Variants in PARD3 observed in about 807,000 individuals in gnomAD.
PARD3 encodes par-3 family cell polarity regulator.
In PARD3, 75 loss-of-function variants were observed where a neutral mutation model predicts 155.4. The ratio of observed to expected loss-of-function variants is 0.48; its 90% CI spans 0.40 to 0.58. The LOEUF (loss-of-function observed/expected upper bound fraction) is 0.58. PARD3 is among the 20% of genes least tolerant of loss of function. The probability of loss-of-function intolerance (pLI) is 0.00; values close to 1 mark genes in which losing one functional copy is unlikely to be tolerated. For synonymous variants in PARD3, 576 were observed against 610.5 expected, an observed-to-expected ratio of 0.94 and a Z score of 0.83; for missense variants, 1,642 against 1,721.7, an observed-to-expected ratio of 0.95 and a Z score of 0.82.
rs375823316 is a variant in PARD3, at chr10:34,517,206, T to C, written c.223-47A>G. On this transcript the variant is annotated intron_variant, in intron 2 of 24. Transcript: ENST00000374788. Reference sequence around the variant, plus strand: ...GCACTTATAAATAAAGGCACTTAATTAACTACCAAAATTTTGTACTATTTT... The same window carrying C: ...GCACTTATAAATAAAGGCACTTAATCAACTACCAAAATTTTGTACTATTTT... 2.7e-5 allele frequency: 42 copies of C among 1,548,874 alleles called. No homozygotes were observed. The African/African-American group carries it at 5.6e-4, about 21-fold the overall frequency.
At chr10:34,685,369 G>A (rs2093936952) in intron 2 of PARD3, among the ~76,000 whole-genome samples, 1 of 152,052 alleles carries the variant, frequency 6.6e-6, no homozygotes. Context: ...ATGTTCTCCT[G>A]GGCTACATCC....
At chr10:34,426,953 A>G (rs1235893345) in intron 5 of PARD3, among the ~76,000 whole-genome samples, 1 of 152,206 alleles carries the variant, frequency 6.6e-6, no homozygotes, top group Non-Finnish European at 1.5e-5. Context: ...ATAAATTGTG[A>G]AGATTTCATG....
intron 2 of PARD3, among the ~76,000 whole-genome samples, chr10:34,581,258 G>A (rs1339388283): frequency 6.5e-5 from 3 of 45,954 alleles, no homozygotes; most frequent in South Asian, 6.6e-4. Context: ...TTTTTGAGAC[G>A]GAGTTTCACT....
chr10:34,781,596 T>C (rs1177036347), intron 1 of PARD3, among the ~76,000 whole-genome samples: 1 of 152,254 alleles, frequency 6.6e-6, no homozygotes, highest in Non-Finnish European at 1.5e-5. Flanking sequence ...TCTCTAAATA[T>C]ACCAGGCCTT....
chr10:34,368,839 TA>T (rs71033310), intron 12 of PARD3, among the ~76,000 whole-genome samples: 2,837 of 108,568 alleles, frequency 0.026, 68 homozygotes, highest in African/African-American at 0.083. Flanking sequence ...ATGAGCAATG[TA>T]AAAAAAAAAA....
chr10:34,583,012 A>G (rs2087640115), intron 2 of PARD3, among the ~76,000 whole-genome samples: 2 of 152,234 alleles, frequency 1.3e-5, no homozygotes, highest in African/African-American at 2.4e-5. Flanking sequence ...GGGGTTGTCA[A>G]TACATACCAG....
At chr10:34,156,397 A>G (rs1949006286) in intron 22 of PARD3, among the ~76,000 whole-genome samples, 1 of 152,150 alleles carries the variant, frequency 6.6e-6, no homozygotes, top group South Asian at 2.1e-4. Context: ...ATGCCTGGCC[A>G]TGAATCTCAT....
intron 14 of PARD3, among the ~76,000 whole-genome samples, 182 bp downstream of exon 14, chr10:34,358,965 G>A (rs761500588): frequency 1.3e-5 from 2 of 152,120 alleles, no homozygotes; most frequent in Non-Finnish European, 2.9e-5. Flanking sequence ...GGAATATGTT[G>A]ATCACAAGAA....
intron 14 of PARD3, among the ~76,000 whole-genome samples, chr10:34,358,119 T>C (rs550328656): frequency 2.6e-5 from 4 of 152,324 alleles, no homozygotes; most frequent in African/African-American, 9.6e-5. Context: ...CTTCACATTT[T>C]CAACAGCTCA....
intron 9 of PARD3, among the ~76,000 whole-genome samples, chr10:34,378,462 C>T (rs1189023226): frequency 6.6e-6 from 1 of 152,044 alleles, no homozygotes; most frequent in Non-Finnish European, 1.5e-5. Context: ...ACCCACAGTA[C>T]CTCAAAACTC....
chr10:34,608,556 A>G (rs540156023), intron 2 of PARD3, among the ~76,000 whole-genome samples: 2 of 117,886 alleles, frequency 1.7e-5, no homozygotes, highest in Admixed American at 8.3e-5. Flanking sequence ...TTTTTTTGAG[A>G]CGGAATCTCA....
chr10:34,483,503 AG>A (rs1432411662), intron 3 of PARD3, among the ~76,000 whole-genome samples: 7,530 of 140,130 alleles, frequency 0.054, 668 homozygotes, highest in African/African-American at 0.21. Flanking sequence ...AAAAAAAGAG[AG>A]AGAAAAAAAA....
chr10:34,290,847 T>A (rs895157637), intron 20 of PARD3, among the ~76,000 whole-genome samples: 1 of 152,198 alleles, frequency 6.6e-6, no homozygotes, highest in African/African-American at 2.4e-5. Flanking sequence ...TGAGCTGGCC[T>A]CAAGATCCTG....
chr10:34,470,619 A>C (rs570237222), intron 3 of PARD3, among the ~76,000 whole-genome samples: 7 of 152,334 alleles, frequency 4.6e-5, no homozygotes, highest in African/African-American at 1.4e-4. Context: ...TGTAAGGACT[A>C]AATAATATAA....
At chr10:34,185,109 C>G (rs938297208) in intron 22 of PARD3, among the ~76,000 whole-genome samples, 5 of 152,220 alleles carry the variant, frequency 3.3e-5, no homozygotes, top group Non-Finnish European at 7.3e-5. Context: ...AAATCTAACA[C>G]CACGGCTATC....
chr10:34,126,675 C>T (rs1175767027), intron 23 of PARD3, among the ~76,000 whole-genome samples: 2 of 152,074 alleles, frequency 1.3e-5, no homozygotes, highest in Non-Finnish European at 2.9e-5. Flanking sequence ...ATAGACCAAG[C>T]TACATTTTAA....
chr10:34,802,276 C>G (rs1842893497), intron 1 of PARD3, among the ~76,000 whole-genome samples: 1 of 150,842 alleles, frequency 6.6e-6, no homozygotes, highest in African/African-American at 2.4e-5. Flanking sequence ...ATTTCTAAAG[C>G]ACTTTTAGAA....
chr10:34,772,019 T>C (rs1588681967), intron 1 of PARD3, among the ~76,000 whole-genome samples: 1 of 152,284 alleles, frequency 6.6e-6, no homozygotes, highest in Admixed American at 6.5e-5. Flanking sequence ...GTCTGGAAGG[T>C]AGAGTGGCCT....
chr10:34,152,165 T>C (rs568245474), intron 22 of PARD3, among the ~76,000 whole-genome samples: 1 of 152,278 alleles, frequency 6.6e-6, no homozygotes, highest in East Asian at 1.9e-4. Context: ...ACAAGATCTT[T>C]CTTTTACTTT....
Sources: gnomAD v4.1 joint callset for allele counts (sites outside exome capture counted in the v4.1 genomes callset) on GRCh38, gnomAD v4.1.1 for gene constraint, MANE v1.5 for transcripts, NCBI Gene and HGNC (gene_info 2026-07-23, HGNC 2026-07-21) for gene names.